Variants in FHL2 observed in about 807,000 individuals in gnomAD.
FHL2 encodes the protein four and a half LIM domains protein 2.
A neutral mutation model predicts 32.7 loss-of-function variants in FHL2; 20 were observed. The ratio of observed to expected loss-of-function variants is 0.61; its 90% CI spans 0.43 to 0.89. FHL2 has a LOEUF of 0.89. Ranked by LOEUF, FHL2 falls within the 40% of genes least tolerant of loss-of-function variation. The probability of loss-of-function intolerance (pLI) is 0.00; values close to 1 mark genes in which losing one functional copy is unlikely to be tolerated. For missense variants in FHL2, 311 were observed against 358.6 expected (o/e 0.87, Z 1.07); for synonymous variants, 123 against 128.1 (o/e 0.96, Z 0.27).
At position 105,408,172 on chromosome 2, in the gene FHL2, AGGCAGCC is replaced by A. The variant is rs1185297749; in HGVS notation, c.-24-21639_-24-21633del. ...CTCACAGTTGCAGTGTGCTTTTGCT[AGGCAGCC>A]GGCAGAGATGGCCCACATATGACCA... is the stretch of plus-strand genomic sequence containing the variant. On this transcript the variant is annotated intron_variant, in intron 1 of 5. Coordinates refer to the FHL2 transcript ENST00000393352. 4.6e-5 allele frequency among the ~76,000 whole-genome samples: 7 copies of A among 152,300 alleles called. No individual in the cohort carries two copies. In the East Asian group the frequency reaches 1.4e-3, roughly 29 times the overall value.
At chr2:105,361,508 G>A (rs1680260800) in intron 6 of FHL2, 74 bp from the exon 7 acceptor site, 1 of 1,388,158 alleles carries the variant, frequency 7.2e-7, no homozygotes, top group Non-Finnish European at 1.0e-6. Context: ...AAGGAATTCT[G>A]GTTTGATCCA....
chr2:105,372,342 C>T (rs1174953702), intron 4 of FHL2, among the ~76,000 whole-genome samples: 2 of 152,078 alleles, frequency 1.3e-5, no homozygotes, highest in Non-Finnish European at 2.9e-5. Flanking sequence ...TCTCCTGCCT[C>T]AGCCTCCCGA....
At chr2:105,430,224 G>T (rs372965165) in intron 1 of FHL2, among the ~76,000 whole-genome samples, 2 of 152,196 alleles carry the variant, frequency 1.3e-5, no homozygotes, top group East Asian at 1.9e-4. Flanking sequence ...AAAGTGTGGC[G>T]CTGTGGCTTG....
At chr2:105,427,294 A>G (rs1684296487) in intron 1 of FHL2, among the ~76,000 whole-genome samples, 1 of 152,022 alleles carries the variant, frequency 6.6e-6, no homozygotes, top group African/African-American at 2.4e-5. Context: ...CTTTAATTCT[A>G]TTTTTTCCTG....
intron 1 of FHL2, chr2:105,397,015 T>TTTG (rs1291618064): frequency 3.6e-5 from 8 of 223,238 alleles, no homozygotes; most frequent in Non-Finnish European, 5.2e-5. Context: ...AGTCTGTTTT[T>TTTG]TTTTTTTTTT....
chr2:105,437,297 A>T (rs905159851), intron 1 of FHL2, among the ~76,000 whole-genome samples: 18 of 152,052 alleles, frequency 1.2e-4, no homozygotes, highest in Admixed American at 8.5e-4. Context: ...CACATAATAG[A>T]CCTTATTCCA....
intron 5 of FHL2, among the ~76,000 whole-genome samples, chr2:105,365,284 A>G (rs1680547462): frequency 2.0e-5 from 3 of 152,110 alleles, no homozygotes; most frequent in Admixed American, 2.0e-4. Flanking sequence ...CACCTAGACT[A>G]CAGTTAAGTG....
intron 2 of FHL2, among the ~76,000 whole-genome samples, chr2:105,389,631 A>G (rs887607784): frequency 6.6e-6 from 1 of 152,250 alleles, no homozygotes; most frequent in Non-Finnish European, 1.5e-5. Flanking sequence ...AAGCCCACGC[A>G]TATTTATGAA....
At chr2:105,374,014 CT>C in intron 3 of FHL2, 1 of 456,980 alleles carries the variant, frequency 2.2e-6, no homozygotes, top group Non-Finnish European at 4.0e-6. Context: ...AGGGATTTCC[CT>C]TATGTATTGC....
intron 1 of FHL2, among the ~76,000 whole-genome samples, chr2:105,431,950 T>G: frequency 6.6e-6 from 1 of 152,242 alleles, no homozygotes; most frequent in East Asian, 1.9e-4. Flanking sequence ...GATGTGCTGC[T>G]GCTGCTGCTG....
chr2:105,397,010 G>GTTTTTT lies in FHL2; in HGVS notation c.-75-319_-75-314dup, dbSNP rs35576785. 3.8e-4 allele frequency: 41 copies of GTTTTTT among 108,684 alleles called. 1 individual carries two copies. The highest frequency in any genetic ancestry group is 1.8e-3 in the South Asian group (6 of 3,336). The allele number at this position is 108,684 out of a possible 1,614,324, so 6.7% of individuals were successfully genotyped here. On this transcript the variant is annotated intron_variant, in intron 1 of 6. Transcript: ENST00000530340. ...GTAAACTACTCCTGATATCTAGTCT[G>GTTTTTT]TTTTTTTTTTTTTTTTTTTTTGGCA...
upstream of FHL2, chr2:105,399,636 T>G: frequency 8.6e-6 from 13 of 1,505,716 alleles, no homozygotes; most frequent in Non-Finnish European, 1.1e-5. Context: ...TTAGACATCT[T>G]GGATTCCCCT....
chr2:105,395,681 A>G (rs1683074280), intron 2 of FHL2, among the ~76,000 whole-genome samples: 1 of 152,226 alleles, frequency 6.6e-6, no homozygotes, highest in African/African-American at 2.4e-5. Flanking sequence ...CCAAGCAGAC[A>G]GGTCTATTTC....
At chr2:105,434,963 T>C (rs940012523) in intron 1 of FHL2, among the ~76,000 whole-genome samples, 1 of 152,158 alleles carries the variant, frequency 6.6e-6, no homozygotes, top group Admixed American at 6.6e-5. Flanking sequence ...TATGTTTGCA[T>C]AGAATTTTGC....
chr2:105,410,766 T>A (rs1008442960), intron 1 of FHL2, among the ~76,000 whole-genome samples: 1 of 152,230 alleles, frequency 6.6e-6, no homozygotes, highest in Non-Finnish European at 1.5e-5. Flanking sequence ...GTGTCCACAC[T>A]GGTGGAAAAA....
chr2:105,399,300 C>T (rs1446939081), upstream of FHL2: 1 of 1,535,808 alleles, frequency 6.5e-7, no homozygotes, highest in Non-Finnish European at 8.7e-7. Flanking sequence ...TCGCCTCCGG[C>T]GTGGGCTCTC....
At chr2:105,425,691 C>A (rs927996717) in intron 1 of FHL2, among the ~76,000 whole-genome samples, 149 of 152,228 alleles carry the variant, frequency 9.8e-4, no homozygotes, top group Non-Finnish European at 1.8e-3. Flanking sequence ...CTTTACTCCA[C>A]TGAGATGTTT....
chr2:105,386,659 G>T, intron 2 of FHL2, 119 bp from the exon 3 acceptor site: 1 of 764,856 alleles, frequency 1.3e-6, no homozygotes, highest in Non-Finnish European at 2.1e-6. Flanking sequence ...AATTCCTCTG[G>T]ATGAATAATT....
chr2:105,368,231 C>T (rs188813398), intron 4 of FHL2, among the ~76,000 whole-genome samples: 39 of 152,314 alleles, frequency 2.6e-4, no homozygotes, highest in African/African-American at 9.4e-4. Flanking sequence ...CAGTGAGCAG[C>T]CTCTACAACA....
Sources: allele counts gnomAD v4.1 joint callset (sites outside exome capture counted in the v4.1 genomes callset), GRCh38; gene constraint gnomAD v4.1.1; transcripts MANE v1.5; gene names NCBI Gene and HGNC (gene_info 2026-07-23, HGNC 2026-07-21).